Variants in GRM1 observed in about 807,000 individuals in gnomAD.
GRM1 encodes the protein metabotropic glutamate receptor 1.
In GRM1, 33 loss-of-function variants were observed where a neutral mutation model predicts 90.9. That is an observed-to-expected ratio of 0.36 (90% CI 0.28 to 0.49). The LOEUF is 0.49. Ranked by LOEUF, GRM1 falls within the 20% of genes least tolerant of loss-of-function variation. The pLI, the probability that GRM1 is intolerant of heterozygous loss-of-function variation, is 0.99. For missense variants in GRM1, 1,190 were observed against 1,534.3 expected (o/e 0.78, Z 3.75); for synonymous variants, 700 against 613.2 (o/e 1.14, Z -2.09).
At chr6:146,395,956 A>G (rs1038234086) in intron 6 of GRM1, among the ~76,000 whole-genome samples, 1 of 152,148 alleles carries the variant, frequency 6.6e-6, no homozygotes, top group African/African-American at 2.4e-5. Flanking sequence ...GTGGTATTTT[A>G]TCTCCTAATT....
intron 1 of GRM1, among the ~76,000 whole-genome samples, chr6:146,138,802 G>A (rs1776725901): frequency 6.6e-6 from 1 of 151,102 alleles, no homozygotes; most frequent in Non-Finnish European, 1.5e-5. Context: ...CCTTTGTATT[G>A]TTTCCTTTGT....
At chr6:146,111,393 C>G (rs886666762) in intron 1 of GRM1, among the ~76,000 whole-genome samples, 4 of 152,028 alleles carry the variant, frequency 2.6e-5, no homozygotes, top group African/African-American at 9.7e-5. Context: ...GGTGTGCACA[C>G]CAATGAACAA....
intron 1 of GRM1, among the ~76,000 whole-genome samples, chr6:146,076,383 A>G (rs1776187910): frequency 6.6e-6 from 1 of 152,202 alleles, no homozygotes; most frequent in Non-Finnish European, 1.5e-5. Flanking sequence ...GATGCAGCGA[A>G]TGTGATTAGA....
intron 6 of GRM1, among the ~76,000 whole-genome samples, chr6:146,387,828 A>C (rs1776563616): frequency 6.6e-6 from 1 of 152,200 alleles, no homozygotes; most frequent in Admixed American, 6.6e-5. Context: ...CAGGAGAACC[A>C]CTAAAGAATT....
intron 7 of GRM1, among the ~76,000 whole-genome samples, chr6:146,425,407 C>T (rs1390671942): frequency 6.6e-6 from 1 of 152,188 alleles, no homozygotes; most frequent in African/African-American, 2.4e-5. Flanking sequence ...ACCTCTTCCT[C>T]CTCTTTCTTC....
intron 3 of GRM1, among the ~76,000 whole-genome samples, chr6:146,343,234 T>A (rs1468176548): frequency 6.6e-6 from 1 of 152,166 alleles, no homozygotes; most frequent in Admixed American, 6.5e-5. Context: ...ATATATATGA[T>A]CAATTTATCA....
intron 1 of GRM1, among the ~76,000 whole-genome samples, chr6:146,152,218 C>G (rs552224670): frequency 2.4e-4 from 37 of 152,186 alleles, no homozygotes; most frequent in Non-Finnish European, 4.3e-4. Context: ...ACCTTCTGCT[C>G]CAGTGGTTCT....
chr6:146,258,398 C>T lies in GRM1; in HGVS notation c.951-46213C>T, dbSNP rs1781566225. Reference sequence around the variant, plus strand: ...AGAGGGTTTTTTCCTGGCACTTTGCCTTTATCAACCACAAATATGCTCATT... The same window carrying T: ...AGAGGGTTTTTTCCTGGCACTTTGCTTTTATCAACCACAAATATGCTCATT... On this transcript the variant is annotated intron_variant, in intron 2 of 7. Coordinates refer to ENST00000282753, the MANE Select transcript of GRM1 (RefSeq NM_001278064.2). Among the ~76,000 whole-genome samples the T allele has an allele frequency of 2.0e-5, 3 of 152,138 alleles. No individual in the cohort carries two copies. The South Asian group carries it at 6.2e-4, about 31-fold the overall frequency.
chr6:146,322,557 C>A (rs1431021236), intron 3 of GRM1, among the ~76,000 whole-genome samples: 2 of 135,990 alleles, frequency 1.5e-5, no homozygotes, highest in Non-Finnish European at 3.0e-5. Context: ...CAGCACCTGA[C>A]TGGGGCTGCT....
At chr6:146,245,336 A>G (rs1283873004) in intron 2 of GRM1, among the ~76,000 whole-genome samples, 1 of 152,178 alleles carries the variant, frequency 6.6e-6, no homozygotes, top group Non-Finnish European at 1.5e-5. Flanking sequence ...TCAAGTACAA[A>G]CAGTCTCTGG....
intron 3 of GRM1, among the ~76,000 whole-genome samples, chr6:146,317,749 G>A (rs1380845582): frequency 1.3e-5 from 2 of 152,140 alleles, no homozygotes; most frequent in Admixed American, 1.3e-4. Context: ...ACAAAACATA[G>A]CCAATGTGAA....
intron 2 of GRM1, among the ~76,000 whole-genome samples, chr6:146,202,227 T>A (rs1419759442): frequency 1.3e-5 from 2 of 152,244 alleles, no homozygotes. Context: ...ATGTTCATTT[T>A]AAGTATACAC....
chr6:146,165,643 A>G (rs939470374), intron 2 of GRM1, among the ~76,000 whole-genome samples: 2 of 152,174 alleles, frequency 1.3e-5, no homozygotes, highest in African/African-American at 2.4e-5. Flanking sequence ...GACAGGCTAT[A>G]CTTTTCTTAA....
chr6:146,365,589 A>G (rs1775647864), intron 5 of GRM1: 1 of 152,246 alleles, frequency 6.6e-6, no homozygotes, highest in Non-Finnish European at 1.5e-5. Context: ...TTATTAAAGT[A>G]TAATATACAC....
chr6:146,272,623 G>A (rs1782209135), intron 2 of GRM1, among the ~76,000 whole-genome samples: 1 of 152,326 alleles, frequency 6.6e-6, no homozygotes, highest in African/African-American at 2.4e-5. Flanking sequence ...AATGAGGAGA[G>A]ACAAAGAGGA....
chr6:146,096,133 A>C (rs2128868981), intron 1 of GRM1, among the ~76,000 whole-genome samples: 1 of 152,204 alleles, frequency 6.6e-6, no homozygotes, highest in East Asian at 1.9e-4. Context: ...TCCTTCAGAT[A>C]CTTTAGTTTT....
chr6:146,248,516 C>T (rs1781156580), intron 2 of GRM1, among the ~76,000 whole-genome samples: 1 of 152,152 alleles, frequency 6.6e-6, no homozygotes, highest in South Asian at 2.1e-4. Context: ...AAAGAAGGTC[C>T]TTGCTTCCCC....
At chr6:146,150,193 C>A (rs1426924360) in intron 1 of GRM1, among the ~76,000 whole-genome samples, 1 of 152,082 alleles carries the variant, frequency 6.6e-6, no homozygotes, top group East Asian at 1.9e-4. Context: ...GACAACCTCC[C>A]CTCTCCCCAA....
chr6:146,272,145 G>A (rs369185729), intron 2 of GRM1, among the ~76,000 whole-genome samples: 1 of 152,088 alleles, frequency 6.6e-6, no homozygotes, highest in African/African-American at 2.4e-5. Flanking sequence ...TAAGCATTTG[G>A]CTATTTTCTG....
Sources: allele counts gnomAD v4.1 joint callset (sites outside exome capture counted in the v4.1 genomes callset), GRCh38; gene constraint gnomAD v4.1.1; transcripts MANE v1.5; gene names NCBI Gene and HGNC (gene_info 2026-07-23, HGNC 2026-07-21).